WDFY3: variants seen among roughly 807,000 people sequenced by gnomAD.
WDFY3 encodes the protein WD repeat and FYVE domain containing 3, also known as WD repeat and FYVE domain-containing protein 3.
WDFY3 carries 66 observed loss-of-function variants against 409.6 expected under a neutral mutation model. The observed-to-expected ratio is 0.16, with a 90% CI of 0.13 to 0.20. The LOEUF (loss-of-function observed/expected upper bound fraction) is 0.20. Among genes scored for constraint, WDFY3 ranks in the 10% least tolerant of loss-of-function variants. The pLI is 1.00. For missense variants in WDFY3, 3,031 were observed against 4,298.1 expected, an observed-to-expected ratio of 0.71 and a Z score of 8.24; for synonymous variants, 1,521 against 1,537.1, an observed-to-expected ratio of 0.99 and a Z score of 0.25.
chr4:84,811,836 G>A (rs1185265046), intron 13 of WDFY3, among the ~76,000 whole-genome samples: 1 of 152,024 alleles, frequency 6.6e-6, no homozygotes, highest in African/African-American at 2.4e-5. Context: ...TTCGGATTTT[G>A]GAATATTTGC....
At chr4:84,811,878 T>G (rs539603794) in intron 13 of WDFY3, among the ~76,000 whole-genome samples, 1 of 152,304 alleles carries the variant, frequency 6.6e-6, no homozygotes, top group African/African-American at 2.4e-5. Flanking sequence ...AACATAAAAT[T>G]CATGTATGTT....
chr4:84,801,569 A>G, intron 17 of WDFY3, 81 bp downstream of exon 17: 1 of 1,434,442 alleles, frequency 7.0e-7, no homozygotes. Context: ...ATGTCCATTA[A>G]GGCAGGAATT....
chr4:84,867,261 AG>A (rs569284020), intron 3 of WDFY3, among the ~76,000 whole-genome samples: 33 of 152,216 alleles, frequency 2.2e-4, no homozygotes, highest in Non-Finnish European at 4.1e-4. Flanking sequence ...AAGCCCCTAC[AG>A]TGCTATGTTT....
At chr4:84,872,621 T>C (rs1426084788) in intron 3 of WDFY3, among the ~76,000 whole-genome samples, 3 of 152,180 alleles carry the variant, frequency 2.0e-5, no homozygotes, top group Non-Finnish European at 1.5e-5. Flanking sequence ...ATATTTATCC[T>C]ACTAAATCAA....
chr4:84,724,564 A>T lies in WDFY3; in HGVS notation c.7303T>A (p.Tyr2435Asn). The T allele has an allele frequency of 6.2e-7, 1 of 1,613,656 alleles. No individual in the cohort carries two copies. ...KPARYRRAVS[Y>N]DSKEYYMRLA... is the part of the protein sequence containing the mutation. ...CGCATGTAGTACTCTTTACTGTCAT[A>T]ACTTACGGCTCTTCTATATCGAGCA... Residue 2435 changes from tyrosine to asparagine, a missense_variant, in exon 46 of 68, where the codon TAT becomes AAT. Physicochemically the swap from Tyr to Asn is moderately radical, Grantham distance 143. Around this residue, in one of 16 missense-constraint regions of WDFY3, gnomAD observed 127 missense variants for 144.4 expected, o/e 0.88. Coordinates refer to ENST00000295888, the MANE Select transcript of WDFY3 (RefSeq NM_014991.6).
intron 3 of WDFY3, among the ~76,000 whole-genome samples, chr4:84,874,586 T>C (rs139394170): frequency 0.013 from 1,941 of 152,288 alleles, 20 homozygotes; most frequent in Non-Finnish European, 0.017. Context: ...TCCCAGACTG[T>C]TAGGCCCTTT....
chr4:84,766,192 T>G, intron 31 of WDFY3, 60 bp downstream of exon 31: 2 of 1,521,896 alleles, frequency 1.3e-6, no homozygotes, highest in Admixed American at 4.3e-5. Flanking sequence ...TTCTTTTGCC[T>G]AACATGAATT....
At chr4:84,760,188 C>G (rs985266186) in intron 32 of WDFY3, among the ~76,000 whole-genome samples, 11 of 152,132 alleles carry the variant, frequency 7.2e-5, no homozygotes, top group African/African-American at 2.7e-4. Flanking sequence ...TTTTGATGTG[C>G]TGCTGGATTC....
chr4:84,800,076 C>T (rs575931287), intron 17 of WDFY3, among the ~76,000 whole-genome samples: 10 of 152,218 alleles, frequency 6.6e-5, no homozygotes, highest in South Asian at 4.1e-4. Flanking sequence ...AACTTTAGGA[C>T]GGTGAGTACA....
rs561190491 is a variant in WDFY3 at position 84,945,532 on chromosome 4, AT to A, written c.-225-13170del. On this transcript the variant is annotated intron_variant, in intron 1 of 67. Coordinates refer to ENST00000295888, the MANE Select transcript of WDFY3 (RefSeq NM_014991.6). ...GATGCCCAGGGACCTCACTAGTCTT[AT>A]CAAATAGACTCTTATTCAGACACAG... is the stretch of plus-strand genomic sequence containing the variant. 6.0e-4 allele frequency among the ~76,000 whole-genome samples: 91 copies of A among 152,344 alleles called. 1 individual carries two copies. In the South Asian group the frequency reaches 0.018, roughly 31 times the overall value.
intron 3 of WDFY3, among the ~76,000 whole-genome samples, chr4:84,864,443 A>C (rs1761099763): frequency 6.6e-6 from 1 of 152,002 alleles, no homozygotes; most frequent in Non-Finnish European, 1.5e-5. Context: ...TCTACAGATC[A>C]TTTTCGGTAG....
chr4:84,757,471 A>G (rs7685537), intron 32 of WDFY3, among the ~76,000 whole-genome samples: 68,261 of 152,066 alleles, frequency 0.45, 15,952 homozygotes, highest in African/African-American at 0.56. Context: ...GAAAGACCTC[A>G]GAAGAGCTCT....
chr4:84,929,470 C>G (rs1184683967), intron 2 of WDFY3, among the ~76,000 whole-genome samples: 1 of 122,518 alleles, frequency 8.2e-6, no homozygotes, highest in Non-Finnish European at 1.8e-5. Context: ...TTGAATTGCG[C>G]CCCCCCCCCC....
intron 21 of WDFY3, among the ~76,000 whole-genome samples, chr4:84,792,293 A>G (rs1748662680): frequency 6.6e-6 from 1 of 152,208 alleles, no homozygotes; most frequent in South Asian, 2.1e-4. Context: ...TGAATAAACT[A>G]GGCAGAAAGC....
At chr4:84,930,915 T>G (rs1770687972) in intron 2 of WDFY3, among the ~76,000 whole-genome samples, 1 of 152,170 alleles carries the variant, frequency 6.6e-6, no homozygotes, top group Non-Finnish European at 1.5e-5. Context: ...TTACCCACAA[T>G]CCAAAAATAT....
At chr4:84,941,413 A>T (rs549661193) in intron 1 of WDFY3, among the ~76,000 whole-genome samples, 254 of 152,202 alleles carry the variant, frequency 1.7e-3, no homozygotes, top group Non-Finnish European at 2.9e-3. Flanking sequence ...AAACACATGA[A>T]ATGCTGAGGA....
chr4:84,889,669 GA>G (rs1319784197), intron 3 of WDFY3, among the ~76,000 whole-genome samples: 1 of 152,090 alleles, frequency 6.6e-6, no homozygotes, highest in Non-Finnish European at 1.5e-5. Context: ...GTGACGTCAG[GA>G]AAAGTAAATC....
intron 3 of WDFY3, among the ~76,000 whole-genome samples, chr4:84,867,012 A>C (rs1193399446): frequency 6.6e-6 from 1 of 152,188 alleles, no homozygotes; most frequent in Admixed American, 6.5e-5. Context: ...CCGTATAATA[A>C]ATCAGGTAAC....
chr4:84,782,905 G>T, intron 25 of WDFY3, 58 bp downstream of exon 25: 1 of 1,536,046 alleles, frequency 6.5e-7, no homozygotes, highest in South Asian at 1.1e-5. Flanking sequence ...TGAGGAAAGT[G>T]AATGCAAACT....
Sources: gnomAD v4.1 joint callset for allele counts (sites outside exome capture counted in the v4.1 genomes callset) on GRCh38, gnomAD v4.1.1 for gene constraint, gnomAD v4.1.1 regional missense constraint, MANE v1.5 for transcripts, NCBI Gene and HGNC (gene_info 2026-07-23, HGNC 2026-07-21) for gene names.